Variants in ZNF536 observed in about 807,000 individuals in gnomAD.
ZNF536 encodes zinc finger protein 536.
Under a neutral mutation model 84.5 loss-of-function variants are expected in ZNF536, and 13 were observed. The observed-to-expected ratio is 0.15, with a 90% confidence interval of 0.10 to 0.24. The LOEUF (loss-of-function observed/expected upper bound fraction) is 0.24. Ranked by LOEUF, ZNF536 falls within the 10% of genes least tolerant of loss-of-function variation. The probability of loss-of-function intolerance (pLI) is 1.00; values close to 1 mark genes in which losing one functional copy is unlikely to be tolerated. For missense variants in ZNF536, 1,536 were observed against 1,747.5 expected, an observed-to-expected ratio of 0.88 and a Z score of 2.16; for synonymous variants, 811 against 742.5, an observed-to-expected ratio of 1.09 and a Z score of -1.50.
intron 1 of ZNF536, among the ~76,000 whole-genome samples, chr19:30,621,794 T>A (rs2048492494): frequency 6.6e-6 from 1 of 152,240 alleles, no homozygotes; most frequent in Non-Finnish European, 1.5e-5. Flanking sequence ...CTGCAGCTGC[T>A]TAGAGGCCGG....
chr19:30,493,802 G>A (rs1464875166), intron 2 of ZNF536, among the ~76,000 whole-genome samples: 2 of 152,070 alleles, frequency 1.3e-5, no homozygotes, highest in Admixed American at 1.3e-4. Context: ...GTTCCTGCGG[G>A]GGCCAGAAAA....
intron 2 of ZNF536, among the ~76,000 whole-genome samples, chr19:30,494,516 G>A (rs1179513381): frequency 6.6e-6 from 1 of 152,218 alleles, no homozygotes; most frequent in African/African-American, 2.4e-5. Flanking sequence ...TTCTGACCCA[G>A]CTCACGTGGA....
At chr19:30,238,907 G>A (rs924386196) in intron 1 of ZNF536, among the ~76,000 whole-genome samples, 1 of 152,076 alleles carries the variant, frequency 6.6e-6, no homozygotes, top group African/African-American at 2.4e-5. Context: ...ATATTCAAGT[G>A]TTGATTTCAA....
At chr19:30,311,376 G>A (rs747229111) in intron 2 of ZNF536, among the ~76,000 whole-genome samples, 2 of 152,182 alleles carry the variant, frequency 1.3e-5, no homozygotes, top group Non-Finnish European at 2.9e-5. Flanking sequence ...TAAGTGTGGC[G>A]AAGTAGAAGA....
chr19:30,480,428 C>T (rs563271748), intron 2 of ZNF536, among the ~76,000 whole-genome samples: 1 of 152,206 alleles, frequency 6.6e-6, no homozygotes, highest in African/African-American at 2.4e-5. Context: ...TACCATCATT[C>T]TCAGCAAACT....
chr19:30,337,729 T>A (rs1480931783), intron 2 of ZNF536, among the ~76,000 whole-genome samples: 2 of 152,204 alleles, frequency 1.3e-5, no homozygotes, highest in Non-Finnish European at 2.9e-5. Context: ...TTCAGTAAAT[T>A]GCATAACCTT....
chr19:30,400,863 A>G (rs1166189107), intron 1 of ZNF536, among the ~76,000 whole-genome samples: 3 of 152,206 alleles, frequency 2.0e-5, no homozygotes, highest in Admixed American at 6.5e-5. Flanking sequence ...TTTAATTTTG[A>G]CAAAATCCAA....
At chr19:30,464,213 C>T (rs1232673107) in intron 2 of ZNF536, among the ~76,000 whole-genome samples, 4 of 151,892 alleles carry the variant, frequency 2.6e-5, no homozygotes, top group African/African-American at 9.7e-5. Flanking sequence ...TCTATGGACA[C>T]GATGAAGGAT....
At chr19:30,382,737 T>A (rs1259210127) in intron 1 of ZNF536, among the ~76,000 whole-genome samples, 1 of 152,110 alleles carries the variant, frequency 6.6e-6, no homozygotes, top group African/African-American at 2.4e-5. Context: ...ATCCACTGGA[T>A]CCCATGTGAT....
intron 1 of ZNF536, among the ~76,000 whole-genome samples, chr19:30,266,489 T>G (rs1264578783): frequency 6.6e-6 from 1 of 152,226 alleles, no homozygotes; most frequent in Non-Finnish European, 1.5e-5. Flanking sequence ...ATATGTTTAA[T>G]TATTCATTGG....
intron 2 of ZNF536, among the ~76,000 whole-genome samples, chr19:30,470,113 G>T (rs908659471): frequency 6.6e-6 from 1 of 152,216 alleles, no homozygotes; most frequent in South Asian, 2.1e-4. Context: ...TGGGGAGGAG[G>T]CTGTGCGATT....
chr19:30,229,540 C>A (rs1317249095), intron 1 of ZNF536, among the ~76,000 whole-genome samples: 1 of 152,146 alleles, frequency 6.6e-6, no homozygotes, highest in African/African-American at 2.4e-5. Flanking sequence ...CCTGGGGCTG[C>A]GCCCACCACC....
chr19:30,386,371 C>T (rs753300687), intron 1 of ZNF536, among the ~76,000 whole-genome samples: 5 of 152,158 alleles, frequency 3.3e-5, no homozygotes, highest in Non-Finnish European at 7.3e-5. Flanking sequence ...ATGTCTGCCC[C>T]TCCTGTCTCT....
chr19:30,260,399 G>A (rs1469228560), intron 1 of ZNF536, among the ~76,000 whole-genome samples: 1 of 152,184 alleles, frequency 6.6e-6, no homozygotes, highest in African/African-American at 2.4e-5. Context: ...TGCTGGGCAG[G>A]ATAAGAGGAT....
chr19:30,510,524 A>G (rs1191748232), intron 2 of ZNF536, among the ~76,000 whole-genome samples: 1 of 152,144 alleles, frequency 6.6e-6, no homozygotes, highest in Non-Finnish European at 1.5e-5. Flanking sequence ...GGGCAGTGAT[A>G]GCTTTAGGGA....
At chr19:30,666,832 GTA>G (rs67781281) in intron 1 of ZNF536, among the ~76,000 whole-genome samples, 1,760 of 148,960 alleles carry the variant, frequency 0.012, 12 homozygotes, top group African/African-American at 0.016. Flanking sequence ...GTGTGTGTGT[GTA>G]TATATATATA....
chr19:30,701,552 C>T (rs1290272694), intron 1 of ZNF536, among the ~76,000 whole-genome samples: 1 of 152,014 alleles, frequency 6.6e-6, no homozygotes, highest in Admixed American at 6.6e-5. Context: ...CACAAACACA[C>T]ACACAAACAC....
intron 3 of ZNF536, among the ~76,000 whole-genome samples, chr19:30,357,406 G>A (rs1366353648): frequency 6.6e-6 from 1 of 152,216 alleles, no homozygotes; most frequent in Non-Finnish European, 1.5e-5. Context: ...GAGAGGATGG[G>A]TGGGGTGGAG....
At chr19:30,499,237 G>A (rs1294040449) in intron 2 of ZNF536, among the ~76,000 whole-genome samples, 1 of 150,590 alleles carries the variant, frequency 6.6e-6, no homozygotes, top group Admixed American at 6.7e-5. Flanking sequence ...CTTTTTTGAG[G>A]GCCTATCTGT....
Sources: allele counts gnomAD v4.1 joint callset (sites outside exome capture counted in the v4.1 genomes callset), GRCh38; gene constraint gnomAD v4.1.1; transcripts MANE v1.5; gene names NCBI Gene and HGNC (gene_info 2026-07-23, HGNC 2026-07-21).